Variants in TRPC4 observed in about 807,000 individuals in gnomAD.
TRPC4 encodes the protein short transient receptor potential channel 4.
A neutral mutation model predicts 99.4 loss-of-function variants in TRPC4; 49 were observed. The observed-to-expected ratio is 0.49, with a 90% CI of 0.39 to 0.63. The LOEUF (loss-of-function observed/expected upper bound fraction) is 0.63. TRPC4 is among the 20% of genes least tolerant of loss of function. The pLI is 0.00. For missense variants in TRPC4, 898 were observed against 1,152.9 expected, an observed-to-expected ratio of 0.78 and a Z score of 3.20; for synonymous variants, 454 against 425.9, an observed-to-expected ratio of 1.07 and a Z score of -0.81.
intron 5 of TRPC4, among the ~76,000 whole-genome samples, chr13:37,665,762 T>A (rs1317727613): frequency 6.9e-6 from 1 of 145,926 alleles, no homozygotes; most frequent in Non-Finnish European, 1.5e-5. Context: ...GGATCCATCA[T>A]CACATTATGA....
intron 3 of TRPC4, among the ~76,000 whole-genome samples, chr13:37,732,623 G>A (rs1413730154): frequency 4.6e-5 from 7 of 152,114 alleles, no homozygotes; most frequent in Admixed American, 4.6e-4. Context: ...CAAAGTTTCA[G>A]TATATACAAA....
intron 7 of TRPC4, among the ~76,000 whole-genome samples, chr13:37,653,663 C>G (rs1419397518): frequency 6.6e-6 from 1 of 152,004 alleles, no homozygotes; most frequent in Admixed American, 6.6e-5. Context: ...ATTCTTATCT[C>G]TGTAATGAAG....
chr13:37,795,507 G>C (rs1315889536), intron 1 of TRPC4, among the ~76,000 whole-genome samples: 7 of 152,108 alleles, frequency 4.6e-5, no homozygotes, highest in Non-Finnish European at 7.4e-5. Context: ...CTCTATCAGG[G>C]GGGTAAGAAA....
intron 2 of TRPC4, among the ~76,000 whole-genome samples, chr13:37,751,309 T>G (rs549070801): frequency 5.9e-5 from 9 of 152,128 alleles, no homozygotes; most frequent in Non-Finnish European, 1.2e-4. Context: ...CTGCTTCTTT[T>G]GCTTTTACTT....
intron 2 of TRPC4, among the ~76,000 whole-genome samples, chr13:37,754,450 T>A (rs1044918695): frequency 6.6e-6 from 1 of 152,154 alleles, no homozygotes; most frequent in Non-Finnish European, 1.5e-5. Flanking sequence ...TTACTTATTT[T>A]GCTCAAGTAA....
intron 2 of TRPC4, among the ~76,000 whole-genome samples, chr13:37,770,047 A>C (rs17056607): frequency 0.1 from 15,146 of 151,560 alleles, 1,103 homozygotes; most frequent in African/African-American, 0.21. Context: ...AAACCTGATC[A>C]TTTTCAACCC....
chr13:37,829,303 G>T (rs1271767811), intron 1 of TRPC4, among the ~76,000 whole-genome samples: 1 of 152,094 alleles, frequency 6.6e-6, no homozygotes, highest in African/African-American at 2.4e-5. Context: ...AATGTGCAAA[G>T]AATATAAACA....
At chr13:37,796,929 A>AAAAATAAAATAAAATAAAAT (rs1193921345) in intron 1 of TRPC4, among the ~76,000 whole-genome samples, 2,578 of 40,990 alleles carry the variant, frequency 0.063, 150 homozygotes, top group Middle Eastern at 0.12. Context: ...TCCTCTCTAC[A>AAAAATAAAATAAAATAAAAT]AAAATAAAAT....
intron 1 of TRPC4, among the ~76,000 whole-genome samples, chr13:37,810,348 T>C (rs1957642225): frequency 6.6e-6 from 1 of 152,064 alleles, no homozygotes; most frequent in African/African-American, 2.4e-5. Flanking sequence ...TTTAAAGATA[T>C]TTTAGAATTG....
chr13:37,689,613 A>G (rs1939010661), intron 4 of TRPC4, among the ~76,000 whole-genome samples: 3 of 152,216 alleles, frequency 2.0e-5, no homozygotes, highest in Admixed American at 1.3e-4. Flanking sequence ...ATATTTTTCT[A>G]AGCTGGAATT....
intron 1 of TRPC4, among the ~76,000 whole-genome samples, chr13:37,842,984 C>G (rs1958786944): frequency 6.6e-6 from 1 of 152,114 alleles, no homozygotes; most frequent in African/African-American, 2.4e-5. Flanking sequence ...GATATCATAC[C>G]TGCTAAGGCT....
chr13:37,668,181 T>C (rs1952711775), intron 5 of TRPC4, among the ~76,000 whole-genome samples: 1 of 152,254 alleles, frequency 6.6e-6, no homozygotes, highest in Admixed American at 6.5e-5. Flanking sequence ...CATTAATTCC[T>C]GTATTCCTCC....
intron 1 of TRPC4, among the ~76,000 whole-genome samples, chr13:37,818,811 G>T (rs910007284): frequency 1.3e-5 from 2 of 152,114 alleles, no homozygotes; most frequent in African/African-American, 4.8e-5. Context: ...GGGGATTGGG[G>T]GCCATTGAAG....
Position 37,635,384 on chromosome 13 carries a change from C to A in TRPC4, c.*1519G>T, listed in dbSNP as rs1319209961. ...GAAATGGGGATAAAAACAGGAGCTA[C>A]TTCAGAGGGCTGTAAAGAGCAGTAC... On this transcript the variant is annotated 3_prime_UTR_variant, in exon 11 of 11. Coordinates refer to ENST00000379705, the MANE Select transcript of TRPC4 (RefSeq NM_016179.4). Among the ~76,000 whole-genome samples, 2 of 152,008 alleles carry A rather than the reference C, an allele frequency of 1.3e-5. No homozygotes were observed. Among genetic ancestry groups the A allele is most frequent in the Non-Finnish European group, 2.9e-5 (2 of 67,984 alleles).
At position 37,830,847 on chromosome 13, in the gene TRPC4, G is replaced by A. The variant is rs534482022; in HGVS notation, c.-28+38748C>T. 5.4e-4 allele frequency among the ~76,000 whole-genome samples: 80 copies of A among 148,542 alleles called. 1 individual carries two copies. Among genetic ancestry groups the A allele is most frequent in the African/African-American group, 1.9e-3 (77 of 40,810 alleles). Reference sequence around the variant, plus strand: ...ATATAATAGTATAAAGTGTAGAAGGGGAGAAAAGTAAGCGTAATGTTTTAA... The same window carrying A: ...ATATAATAGTATAAAGTGTAGAAGGAGAGAAAAGTAAGCGTAATGTTTTAA... On this transcript the variant is annotated intron_variant, in intron 1 of 10. Coordinates refer to ENST00000379705, the MANE Select transcript of TRPC4 (RefSeq NM_016179.4).
intron 3 of TRPC4, among the ~76,000 whole-genome samples, chr13:37,719,305 G>A (rs934327559): frequency 2.0e-5 from 3 of 152,002 alleles, no homozygotes; most frequent in Non-Finnish European, 2.9e-5. Context: ...CCGGGATCAT[G>A]CCACTGCACT....
intron 2 of TRPC4, among the ~76,000 whole-genome samples, chr13:37,759,586 T>C (rs929418440): frequency 6.6e-6 from 1 of 151,830 alleles, no homozygotes; most frequent in Non-Finnish European, 1.5e-5. Flanking sequence ...AGCAGATATT[T>C]TACAGAAGAA....
intron 3 of TRPC4, among the ~76,000 whole-genome samples, chr13:37,721,532 T>C (rs17056510): frequency 0.028 from 4,262 of 152,208 alleles, 185 homozygotes; most frequent in African/African-American, 0.097. Context: ...TCCATGAACA[T>C]TATAAAGCAG....
Position 37,633,909 on chromosome 13 carries a change from G to A in TRPC4, c.*2994C>T, listed in dbSNP as rs1951447494. ...AGATTTATTTGCACAGAAATTTTAA[G>A]GAAAACCTTTATTACGAATAATGAG... On this transcript the variant is annotated 3_prime_UTR_variant, in exon 11 of 11. Transcript: ENST00000379705. Among the ~76,000 whole-genome samples the A allele has an allele frequency of 6.6e-6, 1 of 151,908 alleles. No individual in the cohort carries two copies. The highest frequency in any genetic ancestry group is 2.1e-4 in the South Asian group (1 of 4,830).
Sources: gnomAD v4.1 joint callset for allele counts (sites outside exome capture counted in the v4.1 genomes callset) on GRCh38, gnomAD v4.1.1 for gene constraint, MANE v1.5 for transcripts, NCBI Gene and HGNC (gene_info 2026-07-23, HGNC 2026-07-21) for gene names.